Variants in DGKA observed in about 807,000 individuals in gnomAD.
DGKA encodes the protein 80 kDa diacylglycerol kinase.
Under a neutral mutation model 105.0 loss-of-function variants are expected in DGKA, and 35 were observed. The ratio of observed to expected loss-of-function variants is 0.33; its 90% CI spans 0.25 to 0.44. The LOEUF is 0.44. Among genes scored for constraint, DGKA ranks in the 20% least tolerant of loss-of-function variants. The pLI, the probability that DGKA is intolerant of heterozygous loss-of-function variation, is 1.00. For synonymous variants in DGKA, 296 were observed against 332.0 expected (o/e 0.89, Z 1.18); for missense variants, 665 against 915.0 (o/e 0.73, Z 3.53).
At chr12:55,953,545 T>C (rs1888585044) in intron 23 of DGKA, 135 bp downstream of exon 23, 2 of 1,338,778 alleles carry the variant, frequency 1.5e-6, no homozygotes, top group Non-Finnish European at 2.1e-6. Flanking sequence ...CCCTGATTTC[T>C]CAGCCCCTGG....
intron 15 of DGKA, 101 bp from the exon 16 acceptor site, chr12:55,941,897 G>T (rs1886086211): frequency 8.2e-7 from 1 of 1,214,298 alleles, no homozygotes; most frequent in Non-Finnish European, 1.2e-6. Flanking sequence ...AAAGGAGGAG[G>T]GTCCTACGGA....
At position 55,940,083 on chromosome 12, in the gene DGKA, C is replaced by A. The variant is rs752951222; in HGVS notation, c.711C>A (p.Leu237=). The change falls in exon 10 of 24, where the codon CTC becomes CTA. Residue 237 remains leucine (L), a splice_region_variant and synonymous_variant. Transcript: ENST00000331886. The surrounding 1 kb of genome is among the most constrained non-coding windows in gnomAD (Gnocchi z 4.3). ...GLGKQGLSCN[L]CKYTVHDQCA... is the part of the protein sequence containing the mutation. ...CCCAACTTCTTCCTTCTCCCTCAGT[C>A]TGTAAGTACACTGTTCACGACCAGT... 8 of 1,614,148 alleles carry A rather than the reference C, an allele frequency of 5.0e-6. No homozygotes were observed. The Admixed American group carries it at 5.0e-5, about 10-fold the overall frequency.
intron 1 of DGKA, chr12:55,936,078 C>A: frequency 3.2e-6 from 3 of 944,090 alleles, no homozygotes; most frequent in African/African-American, 1.8e-5. Flanking sequence ...CAGAAACAGA[C>A]AAGGGACACA....
chr12:55,935,942 G>T, intron 1 of DGKA: 1 of 986,716 alleles, frequency 1.0e-6, no homozygotes, highest in Non-Finnish European at 1.2e-6. Flanking sequence ...TCATGGCCAG[G>T]AAGACGCGCT....
Position 55,940,744 on chromosome 12 carries a change from G to T in DGKA, c.1017+22G>T. 1 of 1,612,016 alleles carries T rather than the reference G, an allele frequency of 6.2e-7. No individual in the cohort carries two copies. Among genetic ancestry groups the T allele is most frequent in the South Asian group, 1.1e-5 (1 of 90,912 alleles). ...CCTGGTGAGACCCTCGGCAGCAGCG[G>T]GGAGGGGACAGGAGTGCCTCCCCGA... On this transcript the variant is annotated intron_variant, in intron 12 of 23. Coordinates refer to ENST00000331886, the MANE Select transcript of DGKA (RefSeq NM_001345.5). The surrounding 1 kb of genome is among the most constrained non-coding windows in gnomAD (Gnocchi z 4.3).
rs1226044938 is a variant in DGKA, at chr12:55,934,142, CAAGA to C, written c.-81-2276_-81-2273del. ...TAAGACCTGGGGAGCTAGGAAGGAG[CAAGA>C]AAGAGTTAGATCATTGTAAAAAGAG... On this transcript the variant is annotated intron_variant, in intron 1 of 23. Coordinates refer to ENST00000331886, the MANE Select transcript of DGKA (RefSeq NM_001345.5). 3.3e-5 allele frequency among the ~76,000 whole-genome samples: 5 copies of C among 152,278 alleles called. No individual in the cohort carries two copies. The South Asian group carries it at 6.2e-4, about 19-fold the overall frequency.
At chr12:55,928,075 T>C (rs556661288), upstream of DGKA, among the ~76,000 whole-genome samples, 1 of 152,190 alleles carries the variant, frequency 6.6e-6, no homozygotes, top group African/African-American at 2.4e-5. Context: ...CTCCCTATTC[T>C]GCAGACGAAC....
rs767547527 is a variant in DGKA at position 55,940,101 on chromosome 12, C to T, written c.729C>T (p.His243=). 2.5e-6 allele frequency: 4 copies of T among 1,614,062 alleles called. No homozygotes were observed. The highest frequency in any genetic ancestry group is 3.4e-6 in the Non-Finnish European group (4 of 1,180,006). Reference sequence around the variant, plus strand: ...CCTCAGTCTGTAAGTACACTGTTCACGACCAGTGTGCCATGAAAGCCCTGC... The same window carrying T: ...CCTCAGTCTGTAAGTACACTGTTCATGACCAGTGTGCCATGAAAGCCCTGC... ...LSCNLCKYTV[H]DQCAMKALPC... The change falls in exon 10 of 24, where the codon CAC becomes CAT. Residue 243 remains histidine (H), a synonymous_variant. Coordinates refer to ENST00000331886, the MANE Select transcript of DGKA (RefSeq NM_001345.5). This position sits in a 1 kb window ranked among gnomAD's most constrained non-coding sequence, Gnocchi z 4.3.
In DGKA at chr12:55,953,336, T is replaced by C; in HGVS notation, c.2064-14T>C. ...TTGGTAAGGAAATCACCAATGTTCC[T>C]TGGCCTCCTATAGCACCACAAAAAC... On this transcript the variant is annotated splice_polypyrimidine_tract_variant and intron_variant, in intron 22 of 23. Transcript: ENST00000331886. 15 of 1,614,118 alleles carry C rather than the reference T, an allele frequency of 9.3e-6. No homozygotes were observed. Among genetic ancestry groups the C allele is most frequent in the Non-Finnish European group, 1.3e-5 (15 of 1,179,996 alleles).
At chr12:55,935,947 C>T (rs1478800766) in intron 1 of DGKA, 8 of 986,390 alleles carry the variant, frequency 8.1e-6, no homozygotes, top group African/African-American at 1.7e-5. Flanking sequence ...GCCAGGAAGA[C>T]GCGCTAACGC....
chr12:55,944,767 C>CATTT (rs1021922594), intron 17 of DGKA, among the ~76,000 whole-genome samples: 2 of 152,110 alleles, frequency 1.3e-5, no homozygotes, highest in Admixed American at 1.3e-4. Context: ...ATGGAGGTGG[C>CATTT]ATTTATTTAT....
chr12:55,936,670 AG>A (rs1267173217), intron 2 of DGKA, 103 bp downstream of exon 2: 1 of 1,499,804 alleles, frequency 6.7e-7, no homozygotes. Flanking sequence ...AGTGGCTTTG[AG>A]CAGTGTGCTG....
upstream of DGKA, among the ~76,000 whole-genome samples, chr12:55,928,602 G>C (rs1170868482): frequency 7.1e-6 from 1 of 141,630 alleles, no homozygotes; most frequent in African/African-American, 2.7e-5. Context: ...TCTTGAATCT[G>C]GGAGGCGGAG....
upstream of DGKA, among the ~76,000 whole-genome samples, chr12:55,928,694 A>C (rs1436754952): frequency 6.6e-6 from 1 of 150,496 alleles, no homozygotes; most frequent in Non-Finnish European, 1.5e-5. Flanking sequence ...AAAAAAAAAA[A>C]AAAAAAAAAA....
At chr12:55,939,651 G>A in intron 9 of DGKA, 122 bp downstream of exon 9, 1 of 875,096 alleles carries the variant, frequency 1.1e-6, no homozygotes, top group Admixed American at 2.5e-5. Context: ...GACTAGTTAT[G>A]TGACCTTGGG....
rs150959342 is a variant in DGKA, at chr12:55,942,170, G to A, written c.1337-4G>A. ...TCCATCCTTCTCTTCACCTGCCTCC[G>A]CAGACAAAGCTAACTTGCCAGTTTT... On this transcript the variant is annotated splice_polypyrimidine_tract_variant and splice_region_variant and intron_variant, in intron 16 of 23. Transcript: ENST00000331886. The A allele has an allele frequency of 8.6e-5, 139 of 1,614,166 alleles. No individual in the cohort carries two copies. In the East Asian group the frequency reaches 2.1e-3, roughly 24 times the overall value.
chr12:55,951,332 A>G (rs895196673), intron 17 of DGKA, among the ~76,000 whole-genome samples: 1 of 152,158 alleles, frequency 6.6e-6, no homozygotes, highest in African/African-American at 2.4e-5. Context: ...GATTATCCCC[A>G]TTTGTCACCC....
chr12:55,927,761 T>G, upstream of DGKA: 2 of 1,539,284 alleles, frequency 1.3e-6, no homozygotes, highest in Non-Finnish European at 1.7e-6. Flanking sequence ...GCAGCTTCCA[T>G]GGCCGAAGAG....
intron 17 of DGKA, among the ~76,000 whole-genome samples, chr12:55,949,021 CA>C (rs879291270): frequency 1.1e-3 from 146 of 135,416 alleles, no homozygotes; most frequent in Non-Finnish European, 7.7e-4. Flanking sequence ...GACTCCATCT[CA>C]AAAAAAAAAA....
Sources: gnomAD v4.1 joint callset for allele counts (sites outside exome capture counted in the v4.1 genomes callset) on GRCh38, gnomAD v4.1.1 for gene constraint, Gnocchi (gnomAD v3.1) non-coding constraint, MANE v1.5 for transcripts, NCBI Gene and HGNC (gene_info 2026-07-23, HGNC 2026-07-21) for gene names.